The following ZNF235 variants were observed in gnomAD, a reference collection of about 807,000 sequenced individuals.
ZNF235 encodes the protein zfp-93.
Under a neutral mutation model 29.4 loss-of-function variants are expected in ZNF235, and 25 were observed. That is an observed-to-expected ratio of 0.85 (90% CI 0.62 to 1.19). The LOEUF (loss-of-function observed/expected upper bound fraction) is 1.19. Among genes scored for constraint, ZNF235 ranks in the 50% most tolerant of loss-of-function variants. ZNF235 has a pLI of 0.00. For missense variants in ZNF235, 788 were observed against 885.0 expected, an observed-to-expected ratio of 0.89 and a Z score of 1.39; for synonymous variants, 300 against 295.3, an observed-to-expected ratio of 1.02 and a Z score of -0.16.
Position 44,288,041 on chromosome 19 carries a change from C to G in ZNF235, c.1394G>C (p.Gly465Ala). Residue 465 changes from glycine to alanine, a missense_variant, in exon 5 of 5, where the codon GGT (glycine) becomes GCT (alanine). Gly to Ala is a moderately conservative substitution (Grantham distance 60). Transcript: ENST00000291182. ...EEKPYKCDEC[G>A]KCFSLSFNLH... is the part of the protein sequence containing the mutation. ...ATTAAAGCTCAAACTAAAGCACTTA[C>G]CACACTCATCACATTTGTATGGTTT... 6.2e-7 allele frequency: 1 copy of G among 1,614,084 alleles called. No homozygotes were observed. Among genetic ancestry groups the G allele is most frequent in the Non-Finnish European group, 8.5e-7 (1 of 1,180,024 alleles).
chr19:44,291,791 T>C (rs890664205), intron 4 of ZNF235, among the ~76,000 whole-genome samples: 1 of 152,142 alleles, frequency 6.6e-6, no homozygotes, highest in Admixed American at 6.5e-5. Context: ...TTCAGGCTTA[T>C]AGGGCTTCAT....
At chr19:44,298,994 G>A in intron 3 of ZNF235, 91 bp from the exon 4 acceptor site, 1 of 807,202 alleles carries the variant, frequency 1.2e-6, no homozygotes, top group Non-Finnish European at 2.0e-6. Flanking sequence ...TCTCCTCCCT[G>A]CCCCAGCATG....
At chr19:44,297,859 T>C (rs1267221955) in intron 4 of ZNF235, among the ~76,000 whole-genome samples, 1 of 152,120 alleles carries the variant, frequency 6.6e-6, no homozygotes, top group African/African-American at 2.4e-5. Context: ...GGCTCACATC[T>C]ATAATCCCAG....
chr19:44,304,763 A>G, intron 1 of ZNF235: 1 of 985,488 alleles, frequency 1.0e-6, no homozygotes, highest in Non-Finnish European at 1.2e-6. Context: ...CGGCTAGGGC[A>G]GCAGACCCTC....
Position 44,298,920 on chromosome 19 carries a change from T to C in ZNF235, c.143-17A>G. Reference sequence around the variant, plus strand: ...ACTGATGTCCTATAAAAAGATAGTATTTAAGTGAAAATGTTAAAGGCAAAG... The same window carrying C: ...ACTGATGTCCTATAAAAAGATAGTACTTAAGTGAAAATGTTAAAGGCAAAG... On this transcript the variant is annotated splice_polypyrimidine_tract_variant and intron_variant, in intron 3 of 4. Transcript: ENST00000291182. The C allele has an allele frequency of 6.3e-7, 1 of 1,592,766 alleles. No homozygotes were observed. Among genetic ancestry groups the C allele is most frequent in the Non-Finnish European group, 8.6e-7 (1 of 1,163,030 alleles).
chr19:44,288,995 TCTC>T lies in ZNF235; in HGVS notation c.437_439del (p.Gly146del), dbSNP rs1975545790. 6.2e-7 allele frequency: 1 copy of T among 1,613,976 alleles called. No homozygotes were observed. The highest frequency in any genetic ancestry group is 1.7e-5 in the Admixed American group (1 of 59,988). ...GTCATCCACAGAAGCTTGAATAGAT[TCTC>T]CTGCTCCCACTTGACAGGGGGAATC... On this transcript the variant is annotated inframe_deletion, in exon 5 of 5. Transcript: ENST00000291182.
chr19:44,293,608 T>G (rs188488795), intron 4 of ZNF235, among the ~76,000 whole-genome samples: 91 of 152,072 alleles, frequency 6.0e-4, no homozygotes, highest in African/African-American at 2.0e-3. Context: ...CTATCCAACA[T>G]CAGAATATAC....
chr19:44,304,770 C>T (rs1429044523), intron 1 of ZNF235: 7 of 985,440 alleles, frequency 7.1e-6, no homozygotes, highest in Non-Finnish European at 8.4e-6. Flanking sequence ...GGCAGCAGAC[C>T]CTCAACCTCG....
chr19:44,293,736 C>A (rs1380932872), intron 4 of ZNF235, among the ~76,000 whole-genome samples: 1 of 151,962 alleles, frequency 6.6e-6, no homozygotes, highest in Non-Finnish European at 1.5e-5. Context: ...CACACCTCAG[C>A]AGAATAAAAC....
chr19:44,295,929 T>C (rs999583960), intron 4 of ZNF235, among the ~76,000 whole-genome samples: 1 of 152,178 alleles, frequency 6.6e-6, no homozygotes, highest in Non-Finnish European at 1.5e-5. Flanking sequence ...ATTCTAATAA[T>C]AGCCATTCTG....
chr19:44,298,183 A>C (rs1975681642), intron 4 of ZNF235, among the ~76,000 whole-genome samples: 1 of 152,132 alleles, frequency 6.6e-6, no homozygotes, highest in African/African-American at 2.4e-5. Context: ...AGAGAATAGA[A>C]AGTAAAAGGC....
In ZNF235 at chr19:44,287,401, T is replaced by C. The variant is rs1019919437; in HGVS notation, c.2034A>G (p.Thr678=). The change falls in exon 5 of 5, where the codon ACA becomes ACG. Residue 678 remains threonine (T), a synonymous_variant. Transcript: ENST00000291182. ...GCTGACACGTATAGGGTTTCTCTCC[T>C]GTGTGGACCCTCTGATGGGCACTGA... The part of the protein sequence containing the change: ...AGLSAHQRVH[T]GEKPYTCQQC... The C allele has an allele frequency of 6.2e-7, 1 of 1,613,630 alleles. No individual in the cohort carries two copies. The highest frequency in any genetic ancestry group is 8.5e-7 in the Non-Finnish European group (1 of 1,179,870).
intron 4 of ZNF235, among the ~76,000 whole-genome samples, chr19:44,295,009 CCCT>C (rs1975635304): frequency 6.6e-6 from 1 of 152,092 alleles, no homozygotes; most frequent in Non-Finnish European, 1.5e-5. Flanking sequence ...AAAGCATTCC[CCCT>C]AAGAACTGGA....
chr19:44,289,362 A>G (rs750692297), intron 4 of ZNF235, 166 bp from the exon 5 acceptor site: 6 of 615,352 alleles, frequency 9.8e-6, no homozygotes, highest in Non-Finnish European at 1.6e-5. Context: ...AACCAAGAGA[A>G]CACCAAATGT....
At chr19:44,297,606 G>C (rs1400035347) in intron 4 of ZNF235, among the ~76,000 whole-genome samples, 1 of 152,058 alleles carries the variant, frequency 6.6e-6, no homozygotes, top group East Asian at 1.9e-4. Flanking sequence ...TGGGATTACA[G>C]GCATGTGCCA....
chr19:44,303,062 C>T (rs923973852), intron 2 of ZNF235, among the ~76,000 whole-genome samples: 12 of 129,478 alleles, frequency 9.3e-5, no homozygotes, highest in Non-Finnish European at 1.6e-4. Flanking sequence ...ATAAAATATA[C>T]GTATATATTT....
At chr19:44,291,255 G>A (rs564943200) in intron 4 of ZNF235, among the ~76,000 whole-genome samples, 50 of 152,232 alleles carry the variant, frequency 3.3e-4, no homozygotes, top group Middle Eastern at 3.4e-3. Context: ...AAACATCTCT[G>A]CAAAATCTTC....
At chr19:44,293,204 G>A (rs771069701) in intron 4 of ZNF235, among the ~76,000 whole-genome samples, 6 of 151,942 alleles carry the variant, frequency 3.9e-5, no homozygotes, top group African/African-American at 9.7e-5. Context: ...TCATCTTACC[G>A]ATAAAGACAC....
In ZNF235 at chr19:44,287,249, T is replaced by C. The variant is rs1247270974; in HGVS notation, c.2186A>G (p.His729Arg). Residue 729 changes from histidine to arginine, a missense_variant, in exon 5 of 5, where the codon CAT becomes CGT. His to Arg is a conservative substitution (Grantham distance 29). Coordinates refer to ENST00000291182, the MANE Select transcript of ZNF235 (RefSeq NM_004234.4). ...GFSQRSHLIY[H>R]QRVHTGGNL is the part of the protein sequence containing the mutation. Reference sequence around the variant, plus strand: ...ATTCCCTCCAGTGTGGACTCTCTGATGGTAGATGAGATGTGACCTCTGACT... The same window carrying C: ...ATTCCCTCCAGTGTGGACTCTCTGACGGTAGATGAGATGTGACCTCTGACT... 1 of 1,610,234 alleles carries C rather than the reference T, an allele frequency of 6.2e-7. No individual in the cohort carries two copies. Among genetic ancestry groups the C allele is most frequent in the Non-Finnish European group, 8.5e-7 (1 of 1,177,764 alleles).
Sources: gnomAD v4.1 joint callset for allele counts (sites outside exome capture counted in the v4.1 genomes callset) on GRCh38, gnomAD v4.1.1 for gene constraint, MANE v1.5 for transcripts, NCBI Gene and HGNC (gene_info 2026-07-23, HGNC 2026-07-21) for gene names.